Variants in ITGBL1 observed in about 807,000 individuals in gnomAD.
ITGBL1 encodes integrin beta-like protein 1.
Under a neutral mutation model 68.5 loss-of-function variants are expected in ITGBL1, and 51 were observed. The observed-to-expected ratio is 0.74, with a 90% CI of 0.59 to 0.94. The LOEUF (loss-of-function observed/expected upper bound fraction) is 0.94. ITGBL1 is among the 40% of genes least tolerant of loss of function. The probability of loss-of-function intolerance (pLI) is 0.00; values close to 1 mark genes in which losing one functional copy is unlikely to be tolerated. For missense variants in ITGBL1, 649 were observed against 647.4 expected, an observed-to-expected ratio of 1.00 and a Z score of -0.03; for synonymous variants, 209 against 227.3, an observed-to-expected ratio of 0.92 and a Z score of 0.72.
At chr13:101,647,658 A>G (rs1392459177) in intron 7 of ITGBL1, among the ~76,000 whole-genome samples, 1 of 151,888 alleles carries the variant, frequency 6.6e-6, no homozygotes, top group African/African-American at 2.4e-5. Flanking sequence ...TCAGCAGATA[A>G]CTTGGATATA....
At chr13:101,687,182 G>A (rs1019353831) in intron 7 of ITGBL1, among the ~76,000 whole-genome samples, 5 of 151,948 alleles carry the variant, frequency 3.3e-5, no homozygotes, top group African/African-American at 7.2e-5. Context: ...GCAGACTTTA[G>A]AGACATATAT....
intron 7 of ITGBL1, among the ~76,000 whole-genome samples, chr13:101,658,914 TCAAA>T (rs36150389): frequency 0.19 from 28,205 of 151,694 alleles, 3,202 homozygotes; most frequent in Non-Finnish European, 0.26. Context: ...TATACATATA[TCAAA>T]CAAACTTTGA....
At chr13:101,528,523 T>C (rs899850007) in intron 2 of ITGBL1, among the ~76,000 whole-genome samples, 2 of 151,978 alleles carry the variant, frequency 1.3e-5, no homozygotes, top group Non-Finnish European at 2.9e-5. Context: ...GTTGTGTTCT[T>C]CTTTTCCTAG....
intron 7 of ITGBL1, among the ~76,000 whole-genome samples, chr13:101,671,501 T>TC: frequency 7.3e-6 from 1 of 137,376 alleles, no homozygotes; most frequent in East Asian, 2.3e-4. Flanking sequence ...TGCAGTGGCG[T>TC]GATCTCGGCT....
At chr13:101,513,779 C>T (rs1236243043) in intron 2 of ITGBL1, among the ~76,000 whole-genome samples, 3 of 151,920 alleles carry the variant, frequency 2.0e-5, no homozygotes. Flanking sequence ...GAATTGTTAA[C>T]GAGGATGTAT....
intron 7 of ITGBL1, among the ~76,000 whole-genome samples, chr13:101,633,373 C>A (rs751990075): frequency 6.6e-6 from 1 of 152,114 alleles, no homozygotes; most frequent in Non-Finnish European, 1.5e-5. Flanking sequence ...ATTGACCTGG[C>A]GTTGACAATT....
intron 2 of ITGBL1, chr13:101,490,095 G>C: frequency 1.3e-6 from 1 of 794,110 alleles, no homozygotes; most frequent in South Asian, 1.6e-5. Context: ...CTAACCCCCA[G>C]TGTGATGGTA....
At chr13:101,526,702 A>C (rs1215302438) in intron 2 of ITGBL1, among the ~76,000 whole-genome samples, 1 of 150,784 alleles carries the variant, frequency 6.6e-6, no homozygotes, top group Non-Finnish European at 1.5e-5. Context: ...AGAAAAGTTC[A>C]GTAAACACCT....
chr13:101,613,062 T>G (rs1419759334), intron 7 of ITGBL1, among the ~76,000 whole-genome samples: 2 of 152,198 alleles, frequency 1.3e-5, no homozygotes, highest in East Asian at 3.9e-4. Context: ...TTTGTAGAGT[T>G]TTGTATTTTT....
chr13:101,662,525 A>G (rs1365052616), intron 7 of ITGBL1, among the ~76,000 whole-genome samples: 1 of 152,114 alleles, frequency 6.6e-6, no homozygotes, highest in Non-Finnish European at 1.5e-5. Flanking sequence ...TTCCATTACC[A>G]ATATAGACAT....
chr13:101,542,445 T>C (rs1026925716), intron 2 of ITGBL1, among the ~76,000 whole-genome samples: 3 of 152,232 alleles, frequency 2.0e-5, no homozygotes, highest in African/African-American at 4.8e-5. Flanking sequence ...TTCCGTTCTT[T>C]TACATTTGCT....
At chr13:101,507,857 C>A (rs2049050560) in intron 2 of ITGBL1, among the ~76,000 whole-genome samples, 1 of 152,200 alleles carries the variant, frequency 6.6e-6, no homozygotes, top group African/African-American at 2.4e-5. Context: ...AAGTTGCATT[C>A]ATAAAACTTA....
intron 2 of ITGBL1, among the ~76,000 whole-genome samples, chr13:101,533,272 A>G (rs1332041809): frequency 1.3e-5 from 2 of 152,208 alleles, no homozygotes; most frequent in Admixed American, 6.5e-5. Context: ...CACCTCTGCT[A>G]GTATAGCTTA....
intron 2 of ITGBL1, among the ~76,000 whole-genome samples, chr13:101,502,927 T>C (rs933926965): frequency 6.6e-6 from 1 of 152,182 alleles, no homozygotes; most frequent in African/African-American, 2.4e-5. Context: ...GTTTTTCCAT[T>C]ATGCCTCTCC....
At chr13:101,579,065 G>C (rs1323624811) in intron 4 of ITGBL1, among the ~76,000 whole-genome samples, 1 of 152,138 alleles carries the variant, frequency 6.6e-6, no homozygotes, top group Non-Finnish European at 1.5e-5. Context: ...TCCCTGTCTA[G>C]GCCAAGTTAA....
Position 101,715,821 on chromosome 13 carries a change from A to G in ITGBL1, c.*167A>G, listed in dbSNP as rs2034696767. ...TCCGAGTACCTATTAGAAATGAGTT[A>G]TGCAAATTTAGATGCAAATAACATT... On this transcript the variant is annotated 3_prime_UTR_variant, in exon 11 of 11. Coordinates refer to ENST00000376180, the MANE Select transcript of ITGBL1 (RefSeq NM_004791.3). 2.1e-6 allele frequency: 1 copy of G among 485,902 alleles called. No homozygotes were observed. Among genetic ancestry groups the G allele is most frequent in the African/African-American group, 2.0e-5 (1 of 50,618 alleles). The allele number at this position is 485,902 out of a possible 1,614,324, so 30.1% of individuals were successfully genotyped here.
intron 9 of ITGBL1, among the ~76,000 whole-genome samples, chr13:101,707,577 T>A (rs775239919): frequency 5.1e-4 from 77 of 152,206 alleles, no homozygotes; most frequent in Admixed American, 9.8e-4. Context: ...CCGTGGCCCA[T>A]GCCTGTAATT....
intron 1 of ITGBL1, among the ~76,000 whole-genome samples, chr13:101,453,425 T>C (rs1298164385): frequency 1.3e-5 from 2 of 152,246 alleles, no homozygotes; most frequent in African/African-American, 4.8e-5. Context: ...TAACTCTTTC[T>C]ATAGATTCAC....
At chr13:101,546,029 A>G (rs1040852527) in intron 2 of ITGBL1, among the ~76,000 whole-genome samples, 2 of 152,220 alleles carry the variant, frequency 1.3e-5, no homozygotes, top group Non-Finnish European at 2.9e-5. Context: ...AGCCAAATAG[A>G]TGAATCTTAC....
Sources: gnomAD v4.1 joint callset for allele counts (sites outside exome capture counted in the v4.1 genomes callset) on GRCh38, gnomAD v4.1.1 for gene constraint, MANE v1.5 for transcripts, NCBI Gene and HGNC (gene_info 2026-07-23, HGNC 2026-07-21) for gene names.